The following CTNND2 variants were observed in gnomAD, a reference collection of about 807,000 sequenced individuals.
The protein encoded by CTNND2 is catenin delta-2.
CTNND2 carries 22 observed loss-of-function variants against 144.4 expected under a neutral mutation model. That is an observed-to-expected ratio of 0.15 (90% CI 0.11 to 0.22). CTNND2 has a LOEUF of 0.22. CTNND2 is among the 10% of genes least tolerant of loss of function. The pLI, the probability that CTNND2 is intolerant of heterozygous loss-of-function variation, is 1.00. For synonymous variants in CTNND2, 751 were observed against 695.6 expected, an observed-to-expected ratio of 1.08 and a Z score of -1.25; for missense variants, 1,353 against 1,618.8, an observed-to-expected ratio of 0.84 and a Z score of 2.82.
chr5:11,827,837 G>C (rs1447908425), intron 1 of CTNND2, among the ~76,000 whole-genome samples: 2 of 152,130 alleles, frequency 1.3e-5, no homozygotes, highest in Non-Finnish European at 2.9e-5. Flanking sequence ...CTTCAAAGGT[G>C]AATATTTTAA....
chr5:11,638,213 C>T (rs533294688), intron 2 of CTNND2, among the ~76,000 whole-genome samples: 7 of 152,250 alleles, frequency 4.6e-5, no homozygotes, highest in South Asian at 4.1e-4. Context: ...CATTTGCCAC[C>T]GGACTGTGTT....
At chr5:11,155,192 G>T (rs1758107524) in intron 12 of CTNND2, among the ~76,000 whole-genome samples, 1 of 152,154 alleles carries the variant, frequency 6.6e-6, no homozygotes, top group Non-Finnish European at 1.5e-5. Flanking sequence ...CATGTTTTTG[G>T]TTGAAGGTGA....
intron 1 of CTNND2, among the ~76,000 whole-genome samples, chr5:11,880,514 T>C (rs113265996): frequency 2.1e-4 from 15 of 72,054 alleles, no homozygotes; most frequent in Middle Eastern, 9.1e-3. Flanking sequence ...CTACTACTAC[T>C]ACCACTACTA....
chr5:11,560,696 G>A lies in CTNND2; in HGVS notation c.287+4248C>T, dbSNP rs531285001. Among the ~76,000 whole-genome samples, 12 of 152,304 alleles carry A rather than the reference G, an allele frequency of 7.9e-5. 1 individual carries two copies. In the South Asian group the frequency reaches 2.3e-3, roughly 29 times the overall value. On this transcript the variant is annotated intron_variant, in intron 3 of 21. Transcript: ENST00000304623. ...AGAAACAGTCCAGTCTGTGCTGATCGAGAAGACATTCAGAAGGATATGAGC... is the reference window on the plus strand; with the variant it reads ...AGAAACAGTCCAGTCTGTGCTGATCAAGAAGACATTCAGAAGGATATGAGC...
intron 1 of CTNND2, among the ~76,000 whole-genome samples, chr5:11,857,495 G>C (rs756257066): frequency 6.6e-6 from 1 of 152,128 alleles, no homozygotes; most frequent in Non-Finnish European, 1.5e-5. Context: ...AGGACAATAC[G>C]ATCTGATGAC....
intron 2 of CTNND2, among the ~76,000 whole-genome samples, chr5:11,611,956 T>C (rs1216036960): frequency 6.6e-6 from 1 of 152,226 alleles, no homozygotes; most frequent in Admixed American, 6.5e-5. Context: ...ATTTCATTTC[T>C]AGTTGTGTTC....
At chr5:11,676,063 G>T (rs958600190) in intron 2 of CTNND2, among the ~76,000 whole-genome samples, 4 of 151,668 alleles carry the variant, frequency 2.6e-5, no homozygotes, top group Admixed American at 2.6e-4. Flanking sequence ...CTCCCAGTAG[G>T]GGCCAACAGA....
chr5:11,305,716 A>G (rs1261223862), intron 9 of CTNND2, among the ~76,000 whole-genome samples: 1 of 152,230 alleles, frequency 6.6e-6, no homozygotes, highest in Non-Finnish European at 1.5e-5. Flanking sequence ...AGTGTCAGGA[A>G]GGAAAGGTTA....
intron 16 of CTNND2, among the ~76,000 whole-genome samples, chr5:11,049,388 G>C (rs1745603251): frequency 6.6e-6 from 1 of 152,146 alleles, no homozygotes; most frequent in Non-Finnish European, 1.5e-5. Flanking sequence ...GCAATAGTAG[G>C]AACATTTGCA....
chr5:11,218,125 G>T (rs1402431112), intron 10 of CTNND2, among the ~76,000 whole-genome samples: 2 of 148,068 alleles, frequency 1.4e-5, no homozygotes, highest in African/African-American at 5.0e-5. Flanking sequence ...TTTCTAATGG[G>T]ACTTAACAAT....
At chr5:11,206,220 A>G (rs1738032115) in intron 10 of CTNND2, among the ~76,000 whole-genome samples, 1 of 152,226 alleles carries the variant, frequency 6.6e-6, no homozygotes, top group South Asian at 2.1e-4. Flanking sequence ...TATATCGAAT[A>G]GATCTCTTGC....
chr5:11,192,024 A>G (rs1736300919), intron 11 of CTNND2, among the ~76,000 whole-genome samples: 1 of 152,200 alleles, frequency 6.6e-6, no homozygotes, highest in South Asian at 2.1e-4. Context: ...CCTGATAACA[A>G]GTCCCCCTTT....
intron 16 of CTNND2, among the ~76,000 whole-genome samples, chr5:11,033,432 T>C (rs1326093134): frequency 6.6e-6 from 1 of 152,224 alleles, no homozygotes; most frequent in Non-Finnish European, 1.5e-5. Flanking sequence ...GATTGGCTTA[T>C]GTAAACAAGT....
chr5:11,006,991 C>T (rs1740555719), intron 18 of CTNND2, among the ~76,000 whole-genome samples: 1 of 152,082 alleles, frequency 6.6e-6, no homozygotes. Context: ...TAAAATAGAA[C>T]CCAATAAAAG....
intron 5 of CTNND2, among the ~76,000 whole-genome samples, chr5:11,404,130 T>A (rs1199602768): frequency 1.3e-5 from 2 of 152,228 alleles, no homozygotes; most frequent in Non-Finnish European, 2.9e-5. Context: ...GGACATGATG[T>A]TGTTACATGC....
At chr5:11,561,414 A>G (rs1337098209) in intron 3 of CTNND2, among the ~76,000 whole-genome samples, 1 of 152,270 alleles carries the variant, frequency 6.6e-6, no homozygotes, top group Non-Finnish European at 1.5e-5. Flanking sequence ...TAGCTCTAAT[A>G]AAAAGCACCA....
Position 11,412,171 on chromosome 5 carries a change from C to T in CTNND2, c.288-102G>A, listed in dbSNP as rs1029556721. ...GGCATATTAGGGTAGTAACAGTGGC[C>T]CCGTTGCATTTCCTTTCATTTCTTA... On this transcript the variant is annotated intron_variant, in intron 3 of 21. Transcript: ENST00000304623. The T allele has an allele frequency of 1.9e-5, 15 of 793,120 alleles. No individual in the cohort carries two copies. The Admixed American group carries it at 3.1e-4, about 16-fold the overall frequency. 49.1% of individuals were successfully genotyped at this position (793,120 alleles called of 1,614,324 possible).
intron 3 of CTNND2, among the ~76,000 whole-genome samples, chr5:11,451,970 G>GT (rs1338913332): frequency 3.3e-5 from 5 of 152,204 alleles, no homozygotes; most frequent in Non-Finnish European, 5.9e-5. Flanking sequence ...TTCCTCTGCT[G>GT]TTTTCCCCAA....
intron 1 of CTNND2, among the ~76,000 whole-genome samples, chr5:11,775,053 CG>C (rs544187564): frequency 6.6e-6 from 1 of 151,698 alleles, no homozygotes; most frequent in Admixed American, 6.6e-5. Flanking sequence ...CAGAGCTGGG[CG>C]GGGGGGCGGT....
Sources: gnomAD v4.1 joint callset for allele counts (sites outside exome capture counted in the v4.1 genomes callset) on GRCh38, gnomAD v4.1.1 for gene constraint, MANE v1.5 for transcripts, NCBI Gene and HGNC (gene_info 2026-07-23, HGNC 2026-07-21) for gene names.